The following REDIC1 variants were observed in gnomAD, a reference collection of about 807,000 sequenced individuals.
REDIC1 encodes regulator of DNA class I crossover intermediates 1.
At chr12:39,894,973 A>C in the REDIC1 span, among the ~76,000 whole-genome samples, 1 of 152,216 alleles carries the variant, frequency 6.6e-6, no homozygotes, top group African/African-American at 2.4e-5. Context: ...GTGCTTAAGA[A>C]GCATCATGGA....
chr12:39,828,712 GT>G, the REDIC1 span, among the ~76,000 whole-genome samples: 2,315 of 149,808 alleles, frequency 0.015, 26 homozygotes, highest in Middle Eastern at 0.025. Flanking sequence ...TAGTAACTTA[GT>G]TTTTTTTTTT....
chr12:39,688,369 C>T, the REDIC1 span, among the ~76,000 whole-genome samples: 1 of 152,054 alleles, frequency 6.6e-6, no homozygotes, highest in Non-Finnish European at 1.5e-5. Flanking sequence ...AAGTTGTTTA[C>T]CAAATGGTCA....
At chr12:39,766,613 A>G in the REDIC1 span, among the ~76,000 whole-genome samples, 5 of 152,002 alleles carry the variant, frequency 3.3e-5, no homozygotes, top group Non-Finnish European at 5.9e-5. Context: ...TCTCTGTAGC[A>G]TGCATTTTAC....
At chr12:39,820,255 A>C in the REDIC1 span, among the ~76,000 whole-genome samples, 5 of 152,280 alleles carry the variant, frequency 3.3e-5, no homozygotes, top group South Asian at 1.0e-3. Context: ...CATTCATCCT[A>C]ACAGAGGGCA....
chr12:39,857,763 C>T, the REDIC1 span, among the ~76,000 whole-genome samples: 1 of 152,286 alleles, frequency 6.6e-6, no homozygotes, highest in Middle Eastern at 3.4e-3. Context: ...TATTTTGGTG[C>T]CATTCTCTTG....
At chr12:39,907,913 T>C in the REDIC1 span, 1 of 151,620 alleles carries the variant, frequency 6.6e-6, no homozygotes, top group Non-Finnish European at 1.5e-5. Context: ...ACCCATTCTT[T>C]TTCCCGGCAC....
the REDIC1 span, chr12:39,626,231 CGTT>C: frequency 7.9e-7 from 1 of 1,265,976 alleles, no homozygotes; most frequent in Non-Finnish European, 1.1e-6. Context: ...CGGGCCCTGA[CGTT>C]GTCAGGAGGC....
At chr12:39,675,171 A>G in the REDIC1 span, among the ~76,000 whole-genome samples, 7 of 152,048 alleles carry the variant, frequency 4.6e-5, no homozygotes, top group African/African-American at 1.4e-4. Flanking sequence ...TCAGTGATGA[A>G]CTGTATGATG....
chr12:39,904,074 A>AGGGG, the REDIC1 span, among the ~76,000 whole-genome samples: 1 of 152,116 alleles, frequency 6.6e-6, no homozygotes, highest in Non-Finnish European at 1.5e-5. Context: ...AAGAACACAG[A>AGGGG]GCAAAGGTCA....
At chr12:39,791,120 G>A in the REDIC1 span, among the ~76,000 whole-genome samples, 4 of 151,050 alleles carry the variant, frequency 2.6e-5, no homozygotes, top group Non-Finnish European at 5.9e-5. Flanking sequence ...CTGGATATTA[G>A]CCCTTTGTCA....
chr12:39,722,844 A>G, the REDIC1 span, among the ~76,000 whole-genome samples: 1 of 152,154 alleles, frequency 6.6e-6, no homozygotes, highest in African/African-American at 2.4e-5. Flanking sequence ...TCTGGGAGGT[A>G]ACCTCCAAGC....
chr12:39,687,664 C>T, the REDIC1 span, among the ~76,000 whole-genome samples: 11 of 152,128 alleles, frequency 7.2e-5, no homozygotes, highest in African/African-American at 2.2e-4. Context: ...TGAGATTTGC[C>T]GGGGGGTACC....
At chr12:39,665,971 G>T in the REDIC1 span, among the ~76,000 whole-genome samples, 1 of 152,168 alleles carries the variant, frequency 6.6e-6, no homozygotes, top group Admixed American at 6.5e-5. Flanking sequence ...GAGATTTTGA[G>T]CTGAGACGAT....
At chr12:39,782,617 G>A in the REDIC1 span, among the ~76,000 whole-genome samples, 510 of 152,218 alleles carry the variant, frequency 3.4e-3, 4 homozygotes, top group African/African-American at 0.012. Context: ...AGTAGAGTGG[G>A]GCATTGCTGA....
chr12:39,831,939 A>G, the REDIC1 span, among the ~76,000 whole-genome samples: 1 of 152,154 alleles, frequency 6.6e-6, no homozygotes, highest in Non-Finnish European at 1.5e-5. Context: ...GCCCAGTCTC[A>G]GGTATTCCTT....
chr12:39,801,399 C>CA, the REDIC1 span, among the ~76,000 whole-genome samples: 1 of 137,656 alleles, frequency 7.3e-6, no homozygotes, highest in African/African-American at 2.7e-5. Flanking sequence ...AAGGCATAAA[C>CA]AAAACATAAA....
chr12:39,712,078 A>G, the REDIC1 span, among the ~76,000 whole-genome samples: 2 of 124,602 alleles, frequency 1.6e-5, no homozygotes, highest in East Asian at 2.4e-4. Context: ...ATATACCGGT[A>G]TGTATATATA....
the REDIC1 span, among the ~76,000 whole-genome samples, chr12:39,819,549 A>C: frequency 6.6e-6 from 1 of 152,144 alleles, no homozygotes; most frequent in East Asian, 1.9e-4. Context: ...TTCTACAATA[A>C]ATTTTTCATT....
At chr12:39,843,103 A>G in the REDIC1 span, among the ~76,000 whole-genome samples, 5 of 151,996 alleles carry the variant, frequency 3.3e-5, no homozygotes, top group Non-Finnish European at 7.4e-5. Context: ...TTTTGAGTAG[A>G]TACGTGCTTT....
Sources: gnomAD v4.1 joint callset for allele counts (sites outside exome capture counted in the v4.1 genomes callset) on GRCh38, gnomAD v4.1.1 for gene constraint, MANE v1.5 for transcripts, NCBI Gene and HGNC (gene_info 2026-07-23, HGNC 2026-07-21) for gene names.